The following LCORL variants were observed in gnomAD, a reference collection of about 807,000 sequenced individuals.
LCORL encodes the protein ligand dependent nuclear receptor corepressor like, also known as ligand-dependent nuclear receptor corepressor-like protein.
LCORL carries 41 observed loss-of-function variants against 141.8 expected under a neutral mutation model. The ratio of observed to expected loss-of-function variants is 0.29; its 90% CI spans 0.23 to 0.38. The LOEUF (loss-of-function observed/expected upper bound fraction) is 0.38, where lower values mean the gene tolerates loss of function less well. Among genes scored for constraint, LCORL ranks in the 10% least tolerant of loss-of-function variants. The probability of loss-of-function intolerance (pLI) is 1.00; values close to 1 mark genes in which losing one functional copy is unlikely to be tolerated. For missense variants in LCORL, 1,759 were observed against 2,035.0 expected, an observed-to-expected ratio of 0.86 and a Z score of 2.61; for synonymous variants, 618 against 694.1, an observed-to-expected ratio of 0.89 and a Z score of 1.72.
chr4:17,951,320 G>A (rs556862536), intron 4 of LCORL, among the ~76,000 whole-genome samples: 6 of 152,128 alleles, frequency 3.9e-5, no homozygotes, highest in Admixed American at 3.3e-4. Flanking sequence ...AAGAAACACA[G>A]ACAATCTCTA....
chr4:17,881,894 TCA>T, intron 6 of LCORL: 1 of 983,132 alleles, frequency 1.0e-6, no homozygotes, highest in African/African-American at 1.8e-5. Flanking sequence ...GTTCTGGCCC[TCA>T]CAAAATATGG....
At chr4:17,886,957 G>C (rs1178984765) in intron 5 of LCORL, among the ~76,000 whole-genome samples, 2 of 151,968 alleles carry the variant, frequency 1.3e-5, no homozygotes, top group Non-Finnish European at 2.9e-5. Context: ...TGTTTTTATT[G>C]TTAGCTAAAA....
chr4:17,912,216 C>A, intron 4 of LCORL: 1 of 759,514 alleles, frequency 1.3e-6, no homozygotes, highest in Non-Finnish European at 2.4e-6. Flanking sequence ...CAAAGCTGGC[C>A]GTGCGCCAGT....
intron 7 of LCORL, among the ~76,000 whole-genome samples, chr4:17,854,729 C>G (rs918712151): frequency 3.2e-4 from 48 of 151,364 alleles, no homozygotes; most frequent in African/African-American, 1.1e-3. Context: ...CAAAATTTTC[C>G]TTTGGTAGGA....
intron 4 of LCORL, among the ~76,000 whole-genome samples, chr4:17,934,330 T>C (rs1398342680): frequency 6.6e-6 from 1 of 152,116 alleles, no homozygotes; most frequent in Non-Finnish European, 1.5e-5. Flanking sequence ...AGTGATTATA[T>C]GGGAATTCTG....
At chr4:17,881,385 T>G (rs1366132850) in intron 6 of LCORL, 1 of 977,962 alleles carries the variant, frequency 1.0e-6, no homozygotes, top group Non-Finnish European at 1.2e-6. Flanking sequence ...TTTCCTAGTT[T>G]GTATAATCAA....
At chr4:17,917,711 G>A (rs1398141392) in intron 4 of LCORL, among the ~76,000 whole-genome samples, 7 of 152,324 alleles carry the variant, frequency 4.6e-5, no homozygotes, top group South Asian at 2.1e-4. Context: ...ACTTAATGTT[G>A]TGGGTCTCTT....
At chr4:17,962,773 T>G (rs1714098831) in intron 3 of LCORL, among the ~76,000 whole-genome samples, 197 bp downstream of exon 3, 1 of 152,026 alleles carries the variant, frequency 6.6e-6, no homozygotes, top group African/African-American at 2.4e-5. Context: ...AAGATGAGTT[T>G]TCTAGGATTT....
intron 4 of LCORL, 58 bp from the exon 5 acceptor site, chr4:17,909,403 T>C (rs968298318): frequency 8.1e-7 from 1 of 1,235,182 alleles, no homozygotes; most frequent in East Asian, 2.5e-5. Flanking sequence ...ATCACCAACA[T>C]TTAAATTTAT....
chr4:17,886,208 C>G (rs769375894), intron 5 of LCORL, 47 bp from the exon 6 acceptor site: 2 of 881,766 alleles, frequency 2.3e-6, no homozygotes, highest in Non-Finnish European at 3.8e-6. Context: ...AACAGATAGG[C>G]AATCCTTACA....
chr4:18,016,759 T>G (rs1724703841), intron 1 of LCORL, among the ~76,000 whole-genome samples: 1 of 152,164 alleles, frequency 6.6e-6, no homozygotes, highest in Non-Finnish European at 1.5e-5. Flanking sequence ...TAAATTTACA[T>G]GTTTTACTTC....
intron 1 of LCORL, among the ~76,000 whole-genome samples, chr4:18,007,401 C>T (rs947747122): frequency 5.3e-5 from 8 of 152,170 alleles, no homozygotes; most frequent in African/African-American, 1.7e-4. Flanking sequence ...TATCTTTTCT[C>T]ATTTCCCACA....
chr4:17,930,084 T>TA (rs551041669), intron 4 of LCORL, among the ~76,000 whole-genome samples: 439 of 151,946 alleles, frequency 2.9e-3, no homozygotes, highest in Non-Finnish European at 4.6e-3. Flanking sequence ...ACTGTTGTAA[T>TA]AAAAAAAATA....
intron 7 of LCORL, among the ~76,000 whole-genome samples, chr4:17,864,923 G>A (rs1043411572): frequency 2.6e-5 from 4 of 152,188 alleles, no homozygotes; most frequent in East Asian, 1.9e-4. Context: ...ATTTCATAAC[G>A]ATAAAAAAGC....
chr4:17,877,985 C>A (rs368162909), exon 7 of LCORL: 3 of 1,230,484 alleles, frequency 2.4e-6, no homozygotes, highest in Non-Finnish European at 3.0e-6. Flanking sequence ...AACTACAGAA[C>A]AGACCACATA....
chr4:17,927,088 T>C (rs373884255), intron 4 of LCORL, among the ~76,000 whole-genome samples: 23 of 152,232 alleles, frequency 1.5e-4, no homozygotes, highest in African/African-American at 5.5e-4. Flanking sequence ...ATCAAAGACC[T>C]TAGCTAGACC....
intron 7 of LCORL, among the ~76,000 whole-genome samples, chr4:17,867,555 C>T (rs2109151963): frequency 6.6e-6 from 1 of 152,310 alleles, no homozygotes; most frequent in South Asian, 2.1e-4. Context: ...TCTCTACAAC[C>T]ACCAGTATGT....
chr4:17,892,600 T>A (rs1372431299), intron 5 of LCORL, among the ~76,000 whole-genome samples: 1 of 151,194 alleles, frequency 6.6e-6, no homozygotes, highest in Non-Finnish European at 1.5e-5. Flanking sequence ...TTCATTAATC[T>A]ACTATTTATT....
At chr4:18,000,269 C>T (rs1025567222) in intron 1 of LCORL, among the ~76,000 whole-genome samples, 8 of 151,818 alleles carry the variant, frequency 5.3e-5, no homozygotes, top group African/African-American at 1.7e-4. Context: ...CACACATACA[C>T]TTTGAACTTG....
Sources: gnomAD v4.1 joint callset for allele counts (sites outside exome capture counted in the v4.1 genomes callset) on GRCh38, gnomAD v4.1.1 for gene constraint, MANE v1.5 for transcripts, NCBI Gene and HGNC (gene_info 2026-07-23, HGNC 2026-07-21) for gene names.